The following AJAP1 variants were observed in gnomAD, a reference collection of about 807,000 sequenced individuals.
AJAP1 encodes adherens junctions associated protein 1, also known as adherens junction-associated protein 1.
A neutral mutation model predicts 35.0 loss-of-function variants in AJAP1; 5 were observed. That is an observed-to-expected ratio of 0.14 (90% CI 0.07 to 0.30). The LOEUF is 0.30. AJAP1 is among the 10% of genes least tolerant of loss of function. The pLI is 1.00. For missense variants in AJAP1, 586 were observed against 571.0 expected (o/e 1.03, Z -0.27); for synonymous variants, 284 against 249.3 (o/e 1.14, Z -1.31).
chr1:4,781,280 C>T (rs569880020), intron 5 of AJAP1, among the ~76,000 whole-genome samples: 4 of 152,276 alleles, frequency 2.6e-5, no homozygotes, highest in East Asian at 3.9e-4. Flanking sequence ...GAGAGAAAGC[C>T]GCACCCTTGT....
At chr1:4,730,427 G>A (rs1640772903) in intron 2 of AJAP1, among the ~76,000 whole-genome samples, 1 of 152,122 alleles carries the variant, frequency 6.6e-6, no homozygotes, top group Non-Finnish European at 1.5e-5. Context: ...CAGAGAAGCG[G>A]GTGTTGGGAG....
At chr1:4,709,946 G>A (rs963015138) in intron 1 of AJAP1, among the ~76,000 whole-genome samples, 2 of 152,118 alleles carry the variant, frequency 1.3e-5, no homozygotes, top group Non-Finnish European at 2.9e-5. Context: ...CAGATATCTG[G>A]GAGAGTCAGC....
At chr1:4,716,044 C>A (rs1640381546) in intron 2 of AJAP1, among the ~76,000 whole-genome samples, 1 of 152,196 alleles carries the variant, frequency 6.6e-6, no homozygotes, top group Admixed American at 6.5e-5. Context: ...ATTTTTGTTT[C>A]TGCAGATAAA....
At position 4,776,235 on chromosome 1, in the gene AJAP1, G is replaced by A. The variant is rs142957729; in HGVS notation, c.*59+1677G>A. Among the ~76,000 whole-genome samples the A allele has an allele frequency of 8.4e-3, 1,276 of 152,254 alleles. 7 individuals carry two copies. Among genetic ancestry groups the A allele is most frequent in the Non-Finnish European group, 0.013 (905 of 68,020 alleles). On this transcript the variant is annotated intron_variant, in intron 5 of 5. Coordinates refer to ENST00000378191, the MANE Select transcript of AJAP1 (RefSeq NM_018836.4). Reference sequence around the variant, plus strand: ...AATCTCATTTACAAGTGGGGAAACCGAGGCAGTGGGAGGTTAAATGACTTG... The same window carrying A: ...AATCTCATTTACAAGTGGGGAAACCAAGGCAGTGGGAGGTTAAATGACTTG...
rs774423018 is a variant in AJAP1 at position 4,783,140 on chromosome 1, T to G, written c.*655T>G. On this transcript the variant is annotated 3_prime_UTR_variant, in exon 6 of 6. Transcript: ENST00000378191. ...TTATAGGTTACAAAATCTGATTTAT[T>G]TAACATGCTTAGTATGAGCAGAATA... The G allele has an allele frequency of 5.5e-4, 155 of 281,604 alleles. 1 individual carries two copies. Among genetic ancestry groups the G allele is most frequent in the Middle Eastern group, 9.6e-4 (1 of 1,038 alleles). 17.4% of individuals were successfully genotyped at this position (281,604 alleles called of 1,614,324 possible). A position where few individuals can be genotyped will look rare whatever the true frequency, so the allele number is the denominator to read the frequency against.
Position 4,782,825 on chromosome 1 carries a change from G to A in AJAP1, c.*340G>A, listed in dbSNP as rs1642091697. ...GACGAGGATACCCAGCGAAAGGGAC[G>A]GGAGGAAGCATCCGAAACCTAGGAT... On this transcript the variant is annotated 3_prime_UTR_variant, in exon 6 of 6. Coordinates refer to ENST00000378191, the MANE Select transcript of AJAP1 (RefSeq NM_018836.4). The surrounding 1 kb of genome is among the most constrained non-coding windows in gnomAD (Gnocchi z 5.3). 4 of 398,504 alleles carry A rather than the reference G, an allele frequency of 1.0e-5. No homozygotes were observed. The highest frequency in any genetic ancestry group is 4.4e-5 in the Admixed American group (1 of 22,712). The allele number at this position is 398,504 out of a possible 1,614,324, so 24.7% of individuals were successfully genotyped here.
chr1:4,756,653 A>G (rs1372230041), intron 2 of AJAP1, among the ~76,000 whole-genome samples: 1 of 152,168 alleles, frequency 6.6e-6, no homozygotes, highest in Non-Finnish European at 1.5e-5. Flanking sequence ...TTTTCCTGGG[A>G]TTCAGACGCT....
At chr1:4,704,075 C>T (rs1477029329) in intron 1 of AJAP1, among the ~76,000 whole-genome samples, 1 of 152,112 alleles carries the variant, frequency 6.6e-6, no homozygotes, top group South Asian at 2.1e-4. Flanking sequence ...CCCTGTTCCC[C>T]ATCCACTGTA....
In AJAP1 at chr1:4,785,585, T is replaced by C. The variant is rs1642148195; in HGVS notation, c.*3100T>C. The C allele has an allele frequency of 6.6e-6, 1 of 152,294 alleles. No homozygotes were observed. The highest frequency in any genetic ancestry group is 3.4e-3 in the Middle Eastern group (1 of 294). 9.4% of individuals were successfully genotyped at this position (152,294 alleles called of 1,614,324 possible). ...TACTTCGGGCCATATGTATAGGTAA[T>C]GCCCATGTACTTTGTGTGTCGGTGG... On this transcript the variant is annotated 3_prime_UTR_variant, in exon 6 of 6. Coordinates refer to ENST00000378191, the MANE Select transcript of AJAP1 (RefSeq NM_018836.4).
intron 1 of AJAP1, among the ~76,000 whole-genome samples, chr1:4,672,043 G>C (rs948461097): frequency 6.6e-6 from 1 of 152,222 alleles, no homozygotes; most frequent in African/African-American, 2.4e-5. Flanking sequence ...TCGCGTCTGA[G>C]ACTCACGGAG....
intron 1 of AJAP1, among the ~76,000 whole-genome samples, chr1:4,682,090 T>C (rs1639495522): frequency 6.6e-6 from 1 of 152,182 alleles, no homozygotes; most frequent in Non-Finnish European, 1.5e-5. Flanking sequence ...AGTCCACCAA[T>C]GATACTGTGG....
chr1:4,769,417 G>T (rs1641779686), intron 2 of AJAP1, among the ~76,000 whole-genome samples: 1 of 152,210 alleles, frequency 6.6e-6, no homozygotes, highest in African/African-American at 2.4e-5. Flanking sequence ...GCACCCTGGA[G>T]CTAACCGTTC....
At position 4,695,923 on chromosome 1, in the gene AJAP1, G is replaced by A. The variant is rs550585204; in HGVS notation, c.30-15977G>A. 6.2e-4 allele frequency among the ~76,000 whole-genome samples: 94 copies of A among 152,302 alleles called. 1 individual carries two copies. Among genetic ancestry groups the A allele is most frequent in the Admixed American group, 1.2e-3 (19 of 15,308 alleles). On this transcript the variant is annotated intron_variant, in intron 1 of 5. Transcript: ENST00000378191. ...AGACAGGAGCGTGATCCTGTGGGAT[G>A]ACATTGCTGCACCCATTCTCAGTTC...
rs200678560 is a variant in AJAP1, at chr1:4,783,463, A to ATG, written c.*986_*987dup. On this transcript the variant is annotated 3_prime_UTR_variant, in exon 6 of 6. Transcript: ENST00000378191. ...AACTAAGAATGCCAAGGTTTTATAT[A>ATG]TGTGTGTGTATATATATATATATAT... 5.5e-4 allele frequency: 30 copies of ATG among 54,406 alleles called. No homozygotes were observed. The highest frequency in any genetic ancestry group is 1.3e-3 in the Admixed American group (6 of 4,508). 3.4% of individuals were successfully genotyped at this position (54,406 alleles called of 1,614,324 possible).
intron 2 of AJAP1, among the ~76,000 whole-genome samples, chr1:4,752,424 G>A (rs181517285): frequency 3.3e-5 from 5 of 152,312 alleles, no homozygotes; most frequent in African/African-American, 4.8e-5. Context: ...GCCCAGAGCC[G>A]ATGGGATGGC....
At chr1:4,732,802 C>T (rs557975902) in intron 2 of AJAP1, among the ~76,000 whole-genome samples, 6 of 152,352 alleles carry the variant, frequency 3.9e-5, no homozygotes, top group Admixed American at 3.9e-4. Context: ...GTCAGTTCTC[C>T]AGACCAGAGA....
chr1:4,745,023 C>T (rs1335112329), intron 2 of AJAP1, among the ~76,000 whole-genome samples: 1 of 152,110 alleles, frequency 6.6e-6, no homozygotes, highest in Non-Finnish European at 1.5e-5. Flanking sequence ...GCCACTGCAC[C>T]GAGGAAGGAA....
At chr1:4,757,817 A>G (rs540131332) in intron 2 of AJAP1, among the ~76,000 whole-genome samples, 113 of 152,260 alleles carry the variant, frequency 7.4e-4, no homozygotes, top group Middle Eastern at 3.4e-3. Flanking sequence ...TGAATGAGTG[A>G]AGAGTGCTTT....
At chr1:4,660,191 G>A (rs546026294) in intron 1 of AJAP1, among the ~76,000 whole-genome samples, 1 of 152,206 alleles carries the variant, frequency 6.6e-6, no homozygotes, top group Non-Finnish European at 1.5e-5. Context: ...GGGCAAAGCC[G>A]AGAACCCTCA....
Sources: allele counts gnomAD v4.1 joint callset (sites outside exome capture counted in the v4.1 genomes callset), GRCh38; gene constraint gnomAD v4.1.1; non-coding constraint Gnocchi (gnomAD v3.1); transcripts MANE v1.5; gene names NCBI Gene and HGNC (gene_info 2026-07-23, HGNC 2026-07-21).